Variants in ARHGEF10L observed in about 807,000 individuals in gnomAD.
ARHGEF10L encodes the protein rho guanine nucleotide exchange factor 10-like protein.
Under a neutral mutation model 141.2 loss-of-function variants are expected in ARHGEF10L, and 69 were observed. The observed-to-expected ratio is 0.49, with a 90% CI of 0.40 to 0.60. The LOEUF is 0.60. Among genes scored for constraint, ARHGEF10L ranks in the 20% least tolerant of loss-of-function variants. ARHGEF10L has a pLI of 0.00. For missense variants in ARHGEF10L, 1,482 were observed against 1,734.3 expected (o/e 0.85, Z 2.58); for synonymous variants, 711 against 718.5 (o/e 0.99, Z 0.17).
At chr1:17,675,870 GGGTGCAGGTGTA>G (rs2102342440) in intron 26 of ARHGEF10L, among the ~76,000 whole-genome samples, 1 of 147,786 alleles carries the variant, frequency 6.8e-6, no homozygotes, top group Non-Finnish European at 1.5e-5. Context: ...GTACAGGTGT[GGGTGCAGGTGTA>G]GGTGCAGGCA....
the ARHGEF10L span, among the ~76,000 whole-genome samples, chr1:17,519,701 G>C: frequency 6.6e-6 from 1 of 152,148 alleles, no homozygotes; most frequent in Admixed American, 6.6e-5. Context: ...TGGGCATGGT[G>C]GTGGGTGCCT....
intron 22 of ARHGEF10L, among the ~76,000 whole-genome samples, chr1:17,653,404 C>T (rs999398110): frequency 4.6e-5 from 7 of 152,220 alleles, no homozygotes; most frequent in Admixed American, 3.9e-4. Flanking sequence ...CCACCATCTT[C>T]GACCCGGCTC....
chr1:17,540,000 C>T lies in ARHGEF10L; in HGVS notation c.-44+50C>T, dbSNP rs2076656921. On this transcript the variant is annotated intron_variant, in intron 1 of 28. Coordinates refer to ENST00000361221, the MANE Select transcript of ARHGEF10L (RefSeq NM_018125.4). This position sits in a 1 kb window ranked among gnomAD's most constrained non-coding sequence, Gnocchi z 6.0. ...TGCCTCCGCGGGATCCTCGCGTGTG[C>T]CGGAGTCTGCGAGTGCGCGGGAGGC... The T allele has an allele frequency of 6.6e-6, 1 of 151,866 alleles. No individual in the cohort carries two copies. Among genetic ancestry groups the T allele is most frequent in the Non-Finnish European group, 1.5e-5 (1 of 67,914 alleles). 9.4% of individuals were successfully genotyped at this position (151,866 alleles called of 1,614,324 possible).
At chr1:17,582,102 A>G (rs564010472) in intron 2 of ARHGEF10L, among the ~76,000 whole-genome samples, 1 of 152,182 alleles carries the variant, frequency 6.6e-6, no homozygotes, top group South Asian at 2.1e-4. Context: ...GGGCCTCCTG[A>G]GTTTTCCTTC....
At position 17,697,346 on chromosome 1, in the gene ARHGEF10L, C is replaced by T; in HGVS notation, c.3806C>T (p.Thr1269Ile). The change falls in exon 29 of 29, where the codon ACC becomes ATC. Residue 1269 changes from threonine to isoleucine, a missense_variant. By Grantham distance (89) the Thr-to-Ile change is moderately conservative. Transcript: ENST00000361221. This position sits in a 1 kb window ranked among gnomAD's most constrained non-coding sequence, Gnocchi z 4.8. ...RQAPCGETDS[T>I]LLIWQVPLML ...GCCCCGTGTGGGGAGACGGACAGCA[C>T]CCTCCTCATCTGGCAGGTGCCCTTG... is the stretch of plus-strand genomic sequence containing the variant. 1 of 1,604,194 alleles carries T rather than the reference C, an allele frequency of 6.2e-7. No individual in the cohort carries two copies. Among genetic ancestry groups the T allele is most frequent in the Non-Finnish European group, 8.5e-7 (1 of 1,173,836 alleles).
chr1:17,679,782 T>C (rs1010991617), intron 26 of ARHGEF10L, among the ~76,000 whole-genome samples: 7 of 152,262 alleles, frequency 4.6e-5, no homozygotes, highest in South Asian at 2.1e-4. Flanking sequence ...TCATTTCTTG[T>C]GCCCTAGCTA....
intron 4 of ARHGEF10L, among the ~76,000 whole-genome samples, chr1:17,600,852 C>G (rs981331687): frequency 3.9e-5 from 6 of 152,048 alleles, no homozygotes; most frequent in African/African-American, 1.4e-4. Flanking sequence ...GAGTTTGAGA[C>G]CAACCTGGCC....
the ARHGEF10L span, among the ~76,000 whole-genome samples, chr1:17,530,304 G>A: frequency 1.3e-5 from 2 of 152,158 alleles, no homozygotes; most frequent in African/African-American, 2.4e-5. Context: ...AGAGAAGAGG[G>A]TTCAAACCCT....
chr1:17,619,258 G>T lies in ARHGEF10L; in HGVS notation c.836-81G>T. ...AGGACCTGGGTCCAAGGCTGGTCTA[G>T]GGGGGCTCTCAGCTCCTGAGGCCTG... On this transcript the variant is annotated intron_variant, in intron 9 of 28. Coordinates refer to ENST00000361221, the MANE Select transcript of ARHGEF10L (RefSeq NM_018125.4). This position sits in a 1 kb window ranked among gnomAD's most constrained non-coding sequence, Gnocchi z 5.0. 3 of 1,404,236 alleles carry T rather than the reference G, an allele frequency of 2.1e-6. No individual in the cohort carries two copies. The highest frequency in any genetic ancestry group is 3.0e-6 in the Non-Finnish European group (3 of 1,008,986). 87.0% of individuals were successfully genotyped at this position (1,404,236 alleles called of 1,614,324 possible). A position where few individuals can be genotyped will look rare whatever the true frequency, so the allele number is the denominator to read the frequency against.
At chr1:17,531,132 T>C in the ARHGEF10L span, among the ~76,000 whole-genome samples, 1 of 152,306 alleles carries the variant, frequency 6.6e-6, no homozygotes, top group South Asian at 2.1e-4. Context: ...TGTAAATAGA[T>C]GCACAGTAAA....
At chr1:17,618,255 C>CCCA in intron 9 of ARHGEF10L, 2 of 1,359,612 alleles carry the variant, frequency 1.5e-6, no homozygotes, top group Non-Finnish European at 1.9e-6. Context: ...TCTCCTCAGC[C>CCCA]CTCCCCACCC....
chr1:17,554,871 A>G (rs2077248838), intron 1 of ARHGEF10L, among the ~76,000 whole-genome samples: 1 of 152,082 alleles, frequency 6.6e-6, no homozygotes, highest in African/African-American at 2.4e-5. Flanking sequence ...GATTAGAGGC[A>G]TGAGCCACTG....
At chr1:17,688,257 C>G (rs965377125) in intron 27 of ARHGEF10L, among the ~76,000 whole-genome samples, 1 of 152,182 alleles carries the variant, frequency 6.6e-6, no homozygotes, top group Admixed American at 6.5e-5. Flanking sequence ...GGCTGGGGCC[C>G]CTCCTGCGTA....
At chr1:17,687,466 T>C (rs949048287) in intron 26 of ARHGEF10L, 107 bp from the exon 27 acceptor site, 1 of 1,284,644 alleles carries the variant, frequency 7.8e-7, no homozygotes, top group South Asian at 1.4e-5. Context: ...CCTGAGTAGC[T>C]TGAGCTTTTG....
At chr1:17,662,252 G>A (rs1053435128) in intron 25 of ARHGEF10L, among the ~76,000 whole-genome samples, 2 of 152,216 alleles carry the variant, frequency 1.3e-5, no homozygotes, top group African/African-American at 2.4e-5. Flanking sequence ...AGGGCCTGGT[G>A]TGCGGACACA....
intron 1 of ARHGEF10L, among the ~76,000 whole-genome samples, chr1:17,543,210 G>A (rs1394571709): frequency 1.3e-5 from 2 of 152,134 alleles, no homozygotes; most frequent in East Asian, 1.9e-4. Flanking sequence ...TGAGTTGGGA[G>A]CCAGCTCACA....
chr1:17,556,299 G>A (rs2077323960), intron 1 of ARHGEF10L, among the ~76,000 whole-genome samples: 2 of 130,624 alleles, frequency 1.5e-5, no homozygotes, highest in South Asian at 2.6e-4. Context: ...AGCACAGGGC[G>A]GGCCTGGGAG....
chr1:17,552,702 G>A (rs943959242), intron 1 of ARHGEF10L, among the ~76,000 whole-genome samples: 4 of 150,374 alleles, frequency 2.7e-5, no homozygotes, highest in South Asian at 2.1e-4. Context: ...GGGGTTACAG[G>A]CGTGAGCCAC....
chr1:17,526,385 C>T, the ARHGEF10L span, among the ~76,000 whole-genome samples: 2 of 152,168 alleles, frequency 1.3e-5, no homozygotes, highest in Admixed American at 6.5e-5. Flanking sequence ...TCCTTTCCAC[C>T]TTATTAGTGG....
Sources: gnomAD v4.1 joint callset for allele counts (sites outside exome capture counted in the v4.1 genomes callset) on GRCh38, gnomAD v4.1.1 for gene constraint, Gnocchi (gnomAD v3.1) non-coding constraint, MANE v1.5 for transcripts, NCBI Gene and HGNC (gene_info 2026-07-23, HGNC 2026-07-21) for gene names.